PTGR1: variants seen among roughly 807,000 people sequenced by gnomAD.
PTGR1 encodes the protein prostaglandin reductase 1.
In PTGR1, 23 loss-of-function variants were observed where a neutral mutation model predicts 37.7. The observed-to-expected ratio is 0.61, with a 90% confidence interval of 0.44 to 0.86. The LOEUF (loss-of-function observed/expected upper bound fraction) is 0.86. Among genes scored for constraint, PTGR1 ranks in the 40% least tolerant of loss-of-function variants. PTGR1 has a pLI of 0.00. For missense variants in PTGR1, 351 were observed against 394.3 expected (o/e 0.89, Z 0.93); for synonymous variants, 134 against 140.0 (o/e 0.96, Z 0.30).
intron 7 of PTGR1, among the ~76,000 whole-genome samples, chr9:111,578,210 A>G (rs1236593919): frequency 1.3e-5 from 2 of 152,278 alleles, no homozygotes; most frequent in East Asian, 3.9e-4. Flanking sequence ...GCGGTCCTCA[A>G]CCTTTTTGGC....
chr9:111,592,948 T>C lies in PTGR1; in HGVS notation c.187A>G (p.Met63Val), dbSNP rs865828846. The C allele has an allele frequency of 1.9e-6, 3 of 1,541,844 alleles. No individual in the cohort carries two copies. The highest frequency in any genetic ancestry group is 1.7e-6 in the Non-Finnish European group (2 of 1,152,726). ...AAKRLKEGDT[M>V]MGQQVAKVVE... Reference sequence around the variant, plus strand: ...TACTTGGCCACTTGCTGCCCCATCATTGTATCACCTTCCTTCAATCTTTTG... The same window carrying C: ...TACTTGGCCACTTGCTGCCCCATCACTGTATCACCTTCCTTCAATCTTTTG... The change falls in exon 4 of 10, where the codon ATG (methionine) becomes GTG (valine). Residue 63 changes from methionine (M) to valine (V), a missense_variant. Coordinates refer to ENST00000407693, the MANE Select transcript of PTGR1 (RefSeq NM_001146108.2).
chr9:111,586,803 C>CTCTCTATATA (rs1272719502), intron 4 of PTGR1, among the ~76,000 whole-genome samples: 3 of 143,668 alleles, frequency 2.1e-5, no homozygotes, highest in African/African-American at 7.7e-5. Flanking sequence ...CTCTCTCTCT[C>CTCTCTATATA]TATATATATA....
downstream of PTGR1, among the ~76,000 whole-genome samples, chr9:111,559,274 G>C (rs138680420): frequency 1.3e-3 from 191 of 152,040 alleles, no homozygotes; most frequent in African/African-American, 4.5e-3. Context: ...TCCTTACTTT[G>C]GGCCCTTAAA....
At chr9:111,592,792 T>C in intron 4 of PTGR1, 134 bp downstream of exon 4, 3 of 1,228,858 alleles carry the variant, frequency 2.4e-6, no homozygotes, top group Middle Eastern at 2.0e-4. Flanking sequence ...ATTTCCCAAG[T>C]TGATTCCAAG....
intron 8 of PTGR1, among the ~76,000 whole-genome samples, chr9:111,571,148 C>T (rs1335525587): frequency 6.7e-6 from 1 of 149,926 alleles, no homozygotes; most frequent in East Asian, 2.1e-4. Context: ...GTGCGTGGCT[C>T]ATGCCTATAA....
chr9:111,570,741 C>T (rs960305332), intron 8 of PTGR1, among the ~76,000 whole-genome samples: 5 of 151,802 alleles, frequency 3.3e-5, no homozygotes, highest in African/African-American at 4.8e-5. Context: ...ATCGTGCCAC[C>T]GCACTCCAGT....
chr9:111,569,956 T>C, intron 9 of PTGR1, 135 bp downstream of exon 9: 1 of 1,390,366 alleles, frequency 7.2e-7, no homozygotes, highest in East Asian at 2.5e-5. Flanking sequence ...ATTTATACTC[T>C]AAGCACAATG....
At chr9:111,579,085 C>A in intron 6 of PTGR1, 134 bp from the exon 7 acceptor site, 2 of 793,070 alleles carry the variant, frequency 2.5e-6, no homozygotes, top group Non-Finnish European at 3.8e-6. Context: ...AAAAGGAATA[C>A]CATAATGGGC....
intron 5 of PTGR1, among the ~76,000 whole-genome samples, chr9:111,585,646 T>C (rs1829406198): frequency 3.3e-5 from 5 of 152,234 alleles, no homozygotes; most frequent in Admixed American, 3.3e-4. Context: ...TTCTATGAGT[T>C]CAACTTTGTT....
intron 9 of PTGR1, among the ~76,000 whole-genome samples, chr9:111,565,288 A>G (rs892215357): frequency 1.3e-5 from 2 of 152,168 alleles, no homozygotes; most frequent in African/African-American, 4.8e-5. Context: ...AGAGGCCTGC[A>G]AAGAAACAAC....
chr9:111,594,546 A>ATCCT lies in PTGR1; in HGVS notation c.107-280_107-279insAGGA, dbSNP rs528901452. Among the ~76,000 whole-genome samples the ATCCT allele has an allele frequency of 2.5e-3, 319 of 127,326 alleles. 9 individuals are homozygous for ATCCT. Among genetic ancestry groups the ATCCT allele is most frequent in the South Asian group, 5.4e-3 (21 of 3,872 alleles). 83.5% of individuals were successfully genotyped at this position (127,326 alleles called of 152,430 possible). On this transcript the variant is annotated intron_variant, in intron 2 of 9. Coordinates refer to ENST00000407693, the MANE Select transcript of PTGR1 (RefSeq NM_001146108.2). ...AAGGCCTGATGCCTTCGTTTTTGGCATTCTTTTTTTTTTTTTTTTTTTGAG... is the reference window on the plus strand; with the variant it reads ...AAGGCCTGATGCCTTCGTTTTTGGCATCCTTTCTTTTTTTTTTTTTTTTTTTGAG...
At chr9:111,587,739 C>T (rs528697730) in intron 4 of PTGR1, among the ~76,000 whole-genome samples, 4 of 152,074 alleles carry the variant, frequency 2.6e-5, no homozygotes, top group Admixed American at 2.0e-4. Context: ...CGTGAGACAC[C>T]GCGCCCGGAT....
At chr9:111,554,535 T>A (rs1318218898) in intron 9 of PTGR1, among the ~76,000 whole-genome samples, 2 of 152,130 alleles carry the variant, frequency 1.3e-5, no homozygotes, top group Non-Finnish European at 2.9e-5. Flanking sequence ...GCCTGCAACC[T>A]CAGATAGTAC....
At chr9:111,581,492 T>C (rs561932808) in intron 6 of PTGR1, among the ~76,000 whole-genome samples, 39 of 152,294 alleles carry the variant, frequency 2.6e-4, no homozygotes, top group African/African-American at 8.7e-4. Context: ...AAGAAATGCT[T>C]ATAAGCACCT....
At chr9:111,594,385 T>C in intron 2 of PTGR1, 118 bp from the exon 3 acceptor site, 2 of 814,796 alleles carry the variant, frequency 2.5e-6, no homozygotes, top group East Asian at 2.6e-5. Context: ...AAACCACCCA[T>C]GAGGTACCAT....
intron 9 of PTGR1, among the ~76,000 whole-genome samples, chr9:111,554,215 A>G (rs543784342): frequency 5.3e-5 from 8 of 152,358 alleles, no homozygotes; most frequent in African/African-American, 1.4e-4. Context: ...TTGATAGTTA[A>G]TGGGTTTTTT....
rs1254932920 is a variant in PTGR1 at position 111,578,924 on chromosome 9, A to C, written c.523T>G (p.Ser175Ala). ...TGAAGGTAGGCAACCTTTTCATCAGACCCTACTGCTCCAACAACTTTGCAG... is the reference window on the plus strand; with the variant it reads ...TGAAGGTAGGCAACCTTTTCATCAGCCCCTACTGCTCCAACAACTTTGCAG... Reference protein sequence around the residue: ...KGCKVVGAVGSDEKVAYLQKL... With the variant: ...KGCKVVGAVGADEKVAYLQKL... The change falls in exon 7 of 10, where the codon TCT becomes GCT. Residue 175 changes from serine (S) to alanine (A), a missense_variant. Coordinates refer to ENST00000407693, the MANE Select transcript of PTGR1 (RefSeq NM_001146108.2). The C allele has an allele frequency of 6.2e-7, 1 of 1,608,968 alleles. No homozygotes were observed. Among genetic ancestry groups the C allele is most frequent in the Non-Finnish European group, 8.5e-7 (1 of 1,178,694 alleles).
chr9:111,570,992 C>A (rs1427359593), intron 8 of PTGR1, among the ~76,000 whole-genome samples: 1 of 152,110 alleles, frequency 6.6e-6, no homozygotes, highest in Admixed American at 6.6e-5. Flanking sequence ...AGGAAGGGGC[C>A]ACATGCCAAG....
At chr9:111,567,891 G>A (rs564337831) in intron 9 of PTGR1, among the ~76,000 whole-genome samples, 1 of 152,224 alleles carries the variant, frequency 6.6e-6, no homozygotes, top group South Asian at 2.1e-4. Flanking sequence ...TTTTAATATG[G>A]ACATTTATCA....
Sources: gnomAD v4.1 joint callset for allele counts (sites outside exome capture counted in the v4.1 genomes callset) on GRCh38, gnomAD v4.1.1 for gene constraint, MANE v1.5 for transcripts, NCBI Gene and HGNC (gene_info 2026-07-23, HGNC 2026-07-21) for gene names.